Variants in CCND3 observed in about 807,000 individuals in gnomAD.
The protein encoded by CCND3 is G1/S-specific cyclin-D3.
In CCND3, 9 loss-of-function variants were observed where a neutral mutation model predicts 28.7. The ratio of observed to expected loss-of-function variants is 0.31; its 90% CI spans 0.19 to 0.55. The LOEUF is 0.55. Ranked by LOEUF, CCND3 falls within the 20% of genes least tolerant of loss-of-function variation. CCND3 has a pLI of 0.93. For synonymous variants in CCND3, 164 were observed against 163.9 expected, an observed-to-expected ratio of 1.00 and a Z score of 0.00; for missense variants, 315 against 385.8, an observed-to-expected ratio of 0.82 and a Z score of 1.54.
Position 41,935,872 on chromosome 6 carries a change from G to T in CCND3, c.*68C>A. The T allele has an allele frequency of 7.0e-7, 1 of 1,438,416 alleles. No homozygotes were observed. The allele number at this position is 1,438,416 out of a possible 1,614,324, so 89.1% of individuals were successfully genotyped here. ...AGGCTTAGATGTGGTGTGGTTCCTG[G>T]AGGCAGGGAGGTGGGTGGCAGCGGC... On this transcript the variant is annotated 3_prime_UTR_variant, in exon 5 of 5. Transcript: ENST00000372991.
At chr6:41,992,018 A>G (rs1474795656) in intron 1 of CCND3, among the ~76,000 whole-genome samples, 1 of 152,154 alleles carries the variant, frequency 6.6e-6, no homozygotes, top group Non-Finnish European at 1.5e-5. Flanking sequence ...GGTTGATTCG[A>G]TATCTTGATT....
chr6:42,041,022 G>GC (rs1764357701), intron 1 of CCND3, among the ~76,000 whole-genome samples: 1 of 152,214 alleles, frequency 6.6e-6, no homozygotes, highest in Non-Finnish European at 1.5e-5. Context: ...GCACATGGAA[G>GC]TGTTGTGTAA....
chr6:42,041,804 C>T (rs2127441207), intron 1 of CCND3, among the ~76,000 whole-genome samples: 1 of 152,328 alleles, frequency 6.6e-6, no homozygotes, highest in Non-Finnish European at 1.5e-5. Context: ...TTCCCAGGGA[C>T]AGGCAGACTG....
At chr6:42,016,226 C>T (rs1163939447) in intron 1 of CCND3, among the ~76,000 whole-genome samples, 9 of 152,182 alleles carry the variant, frequency 5.9e-5, no homozygotes, top group African/African-American at 1.2e-4. Context: ...TGAGCCACTG[C>T]GCCCAGCCAC....
At chr6:41,970,920 T>C (rs1762016372) in intron 1 of CCND3, among the ~76,000 whole-genome samples, 1 of 152,112 alleles carries the variant, frequency 6.6e-6, no homozygotes, top group African/African-American at 2.4e-5. Context: ...CAGTTTCTTT[T>C]TTTTTTCCCC....
chr6:41,970,827 C>A (rs1210259172), intron 1 of CCND3, among the ~76,000 whole-genome samples: 1 of 152,156 alleles, frequency 6.6e-6, no homozygotes, highest in Non-Finnish European at 1.5e-5. Flanking sequence ...CTTTTGAAAT[C>A]ATCTATTTGG....
At chr6:41,985,561 C>T (rs1184510503) in intron 1 of CCND3, among the ~76,000 whole-genome samples, 3 of 150,994 alleles carry the variant, frequency 2.0e-5, no homozygotes, top group South Asian at 2.1e-4. Context: ...GTAATCCACC[C>T]GCCTCGGCCT....
chr6:41,947,445 C>T (rs1331515810), intron 1 of CCND3, among the ~76,000 whole-genome samples: 2 of 152,174 alleles, frequency 1.3e-5, no homozygotes, highest in African/African-American at 2.4e-5. Context: ...CCAAAAAACC[C>T]GCTCTTCCTA....
intron 1 of CCND3, among the ~76,000 whole-genome samples, chr6:42,012,183 T>A (rs533485715): frequency 6.6e-6 from 1 of 152,206 alleles, no homozygotes; most frequent in African/African-American, 2.4e-5. Flanking sequence ...TTTGTTTTCA[T>A]TTCTGTAAAG....
At position 41,941,673 on chromosome 6, in the gene CCND3, C is replaced by A. The variant is rs1210289297; in HGVS notation, c.-24G>T. 1.5e-6 allele frequency: 2 copies of A among 1,369,576 alleles called. No individual in the cohort carries two copies. Among genetic ancestry groups the A allele is most frequent in the Non-Finnish European group, 1.9e-6 (2 of 1,061,964 alleles). 84.8% of individuals were successfully genotyped at this position (1,369,576 alleles called of 1,614,324 possible). ...ATACTCGGGCAGCGAACAGGCAGGG[C>A]GGGAGTGCGGGCTCGCGAGTCCCAA... On this transcript the variant is annotated 5_prime_UTR_variant, in exon 1 of 5. Coordinates refer to ENST00000372991, the MANE Select transcript of CCND3 (RefSeq NM_001760.5). This position sits in a 1 kb window ranked among gnomAD's most constrained non-coding sequence, Gnocchi z 6.1.
chr6:42,015,865 G>A lies in CCND3; in HGVS notation c.-46+32636C>T, dbSNP rs982589539. The stretch of plus-strand genomic sequence containing the variant: ...CATTGCCTCACATTTTTTTGTGTGC[G>A]TGGTGAGAACATAAACACTGCTCTC... On this transcript the variant is annotated intron_variant, in intron 1 of 4. Transcript: ENST00000372988. 2.3e-4 allele frequency among the ~76,000 whole-genome samples: 35 copies of A among 151,952 alleles called. 1 individual carries two copies. Among genetic ancestry groups the A allele is most frequent in the Admixed American group, 5.2e-4 (8 of 15,246 alleles).
At chr6:41,937,460 G>A (rs1272001818) in intron 2 of CCND3, 66 bp from the exon 3 acceptor site, 4 of 1,577,994 alleles carry the variant, frequency 2.5e-6, no homozygotes. Context: ...CAAAGCAGAA[G>A]TCTCAAAGTC....
chr6:42,044,421 C>T (rs4554318), intron 1 of CCND3, among the ~76,000 whole-genome samples: 81,741 of 152,046 alleles, frequency 0.54, 23,018 homozygotes, highest in African/African-American at 0.69. Context: ...GGGACTACCA[C>T]GGGCCAGGGA....
intron 2 of CCND3, 175 bp from the exon 3 acceptor site, chr6:41,937,569 G>C (rs1427158646): frequency 3.0e-6 from 2 of 656,328 alleles, no homozygotes; most frequent in Non-Finnish European, 5.2e-6. Context: ...GGGAAGAGGA[G>C]GAGGCATGTG....
chr6:41,952,734 C>G (rs1458622107), intron 1 of CCND3, among the ~76,000 whole-genome samples: 1 of 152,098 alleles, frequency 6.6e-6, no homozygotes, highest in Non-Finnish European at 1.5e-5. Context: ...GGGACTCCAA[C>G]CAAGGCAATC....
intron 1 of CCND3, among the ~76,000 whole-genome samples, chr6:42,034,480 T>C (rs1764142794): frequency 8.1e-6 from 1 of 123,404 alleles, no homozygotes; most frequent in Non-Finnish European, 1.7e-5. Context: ...TTTTTTTTTT[T>C]TTTTTTTTTT....
At chr6:42,001,208 C>T (rs1762999037) in intron 1 of CCND3, among the ~76,000 whole-genome samples, 1 of 111,812 alleles carries the variant, frequency 8.9e-6, no homozygotes, top group African/African-American at 3.5e-5. Context: ...GCACTCCAGC[C>T]TGGGCAACAG....
intron 1 of CCND3, among the ~76,000 whole-genome samples, chr6:41,966,772 T>C (rs1367394791): frequency 2.0e-5 from 3 of 152,164 alleles, no homozygotes; most frequent in Non-Finnish European, 4.4e-5. Context: ...TCCATTACAA[T>C]AATCTCATTT....
intron 1 of CCND3, among the ~76,000 whole-genome samples, chr6:41,946,995 A>G (rs1057012339): frequency 6.6e-6 from 1 of 151,996 alleles, no homozygotes; most frequent in Non-Finnish European, 1.5e-5. Flanking sequence ...CGAGGCGGGC[A>G]GATCACGAGG....
Sources: gnomAD v4.1 joint callset for allele counts (sites outside exome capture counted in the v4.1 genomes callset) on GRCh38, gnomAD v4.1.1 for gene constraint, Gnocchi (gnomAD v3.1) non-coding constraint, MANE v1.5 for transcripts, NCBI Gene and HGNC (gene_info 2026-07-23, HGNC 2026-07-21) for gene names.